Variants in CHRM3 observed in about 807,000 individuals in gnomAD.
The protein encoded by CHRM3 is cholinergic receptor muscarinic 3.
A neutral mutation model predicts 41.8 loss-of-function variants in CHRM3; 11 were observed. That is an observed-to-expected ratio of 0.26 (90% CI 0.17 to 0.44). CHRM3 has a LOEUF of 0.44. Ranked by LOEUF, CHRM3 falls within the 20% of genes least tolerant of loss-of-function variation. The pLI, the probability that CHRM3 is intolerant of heterozygous loss-of-function variation, is 1.00. For missense variants in CHRM3, 571 were observed against 745.4 expected (o/e 0.77, Z 2.72); for synonymous variants, 297 against 301.4 (o/e 0.99, Z 0.15).
At chr1:239,694,987 A>T (rs1442204738) in intron 5 of CHRM3, among the ~76,000 whole-genome samples, 1 of 152,024 alleles carries the variant, frequency 6.6e-6, no homozygotes, top group Non-Finnish European at 1.5e-5. Context: ...GGAACTGATT[A>T]TTGAAATGTT....
chr1:239,412,131 G>T (rs1014213596), intron 1 of CHRM3, among the ~76,000 whole-genome samples: 6 of 150,376 alleles, frequency 4.0e-5, no homozygotes, highest in African/African-American at 1.5e-4. Context: ...ATTACTTAGT[G>T]AACTATGATA....
Position 239,387,485 on chromosome 1 carries a change from CGCTGGCACTCAAGTGCCCCGA to C in CHRM3, c.-521+259_-521+279del, listed in dbSNP as rs919488814. Among the ~76,000 whole-genome samples, 4 of 151,884 alleles carry C rather than the reference CGCTGGCACTCAAGTGCCCCGA, an allele frequency of 2.6e-5. No individual in the cohort carries two copies. Among genetic ancestry groups the C allele is most frequent in the Admixed American group, 1.3e-4 (2 of 15,244 alleles). ...TCTGGGACTGAGGGTGGGGAACGCC[CGCTGGCACTCAAGTGCCCCGA>C]AAGGGACGGGAATCATGCGAGCGGT... On this transcript the variant is annotated intron_variant, in intron 1 of 6. Transcript: ENST00000676153. This position sits in a 1 kb window ranked among gnomAD's most constrained non-coding sequence, Gnocchi z 5.1.
chr1:239,458,382 T>C (rs1274867138), intron 1 of CHRM3, among the ~76,000 whole-genome samples: 2 of 152,026 alleles, frequency 1.3e-5, no homozygotes, highest in African/African-American at 4.8e-5. Context: ...AAGTGGTGGG[T>C]GTCTAGGAAG....
intron 5 of CHRM3, among the ~76,000 whole-genome samples, chr1:239,787,878 A>C: frequency 6.6e-6 from 1 of 152,242 alleles, no homozygotes; most frequent in East Asian, 1.9e-4. Flanking sequence ...ATATATTTAA[A>C]GTACACTGTA....
intron 5 of CHRM3, among the ~76,000 whole-genome samples, chr1:239,692,176 A>C (rs1659783096): frequency 6.6e-6 from 1 of 152,156 alleles, no homozygotes. Context: ...ACATTTAGGC[A>C]TGTGTTTTTT....
chr1:239,715,725 G>C (rs948484968), intron 5 of CHRM3, among the ~76,000 whole-genome samples: 3 of 152,052 alleles, frequency 2.0e-5, no homozygotes, highest in Admixed American at 6.6e-5. Context: ...CTAATGAGTT[G>C]GGTGGCAAAG....
At chr1:239,728,151 C>T (rs1663620535) in intron 5 of CHRM3, among the ~76,000 whole-genome samples, 1 of 151,796 alleles carries the variant, frequency 6.6e-6, no homozygotes, top group South Asian at 2.1e-4. Flanking sequence ...TACCTTTTTG[C>T]CCATTGTTGT....
At chr1:239,762,912 G>C (rs1666915361) in intron 5 of CHRM3, among the ~76,000 whole-genome samples, 1 of 152,136 alleles carries the variant, frequency 6.6e-6, no homozygotes, top group Non-Finnish European at 1.5e-5. Context: ...ATTTCCTGTT[G>C]TTATAAGATG....
chr1:239,422,804 C>T (rs2354401), intron 1 of CHRM3, among the ~76,000 whole-genome samples: 4 of 114,640 alleles, frequency 3.5e-5, no homozygotes, highest in Non-Finnish European at 7.9e-5. Flanking sequence ...TTAAAAAAAA[C>T]AAAAACAAAA....
At chr1:239,733,573 A>G (rs1338382797) in intron 5 of CHRM3, among the ~76,000 whole-genome samples, 1 of 152,054 alleles carries the variant, frequency 6.6e-6, no homozygotes, top group Non-Finnish European at 1.5e-5. Flanking sequence ...TTTTGCTATC[A>G]GGCTCTGGAG....
intron 3 of CHRM3, among the ~76,000 whole-genome samples, chr1:239,564,021 G>T (rs912025486): frequency 6.6e-6 from 1 of 152,116 alleles, no homozygotes; most frequent in Non-Finnish European, 1.5e-5. Flanking sequence ...AGAAGCTCAA[G>T]ATTTTGATGT....
chr1:239,810,432 G>A (rs1209133253), intron 5 of CHRM3, among the ~76,000 whole-genome samples: 1 of 152,186 alleles, frequency 6.6e-6, no homozygotes, highest in Non-Finnish European at 1.5e-5. Flanking sequence ...AGCCAGGCCA[G>A]CAAGGGGAGT....
intron 5 of CHRM3, among the ~76,000 whole-genome samples, chr1:239,759,020 G>T (rs934931587): frequency 6.6e-6 from 1 of 152,120 alleles, no homozygotes; most frequent in Non-Finnish European, 1.5e-5. Flanking sequence ...TCAGGTACTT[G>T]ATGTTTAAAT....
At chr1:239,709,283 T>TA (rs1342497471) in intron 5 of CHRM3, among the ~76,000 whole-genome samples, 1 of 152,204 alleles carries the variant, frequency 6.6e-6, no homozygotes, top group Non-Finnish European at 1.5e-5. Context: ...TTTTGTCTAA[T>TA]ACTTTTTCAG....
intron 5 of CHRM3, among the ~76,000 whole-genome samples, chr1:239,684,744 GAAAGAGAA>G (rs796982811): frequency 3.8e-4 from 45 of 117,084 alleles, no homozygotes; most frequent in African/African-American, 1.5e-3. Flanking sequence ...AAGAGAGAAA[GAAAGAGAA>G]AGAAAGAAAG....
At chr1:239,451,559 G>T (rs1664555886) in intron 1 of CHRM3, among the ~76,000 whole-genome samples, 1 of 152,100 alleles carries the variant, frequency 6.6e-6, no homozygotes, top group Non-Finnish European at 1.5e-5. Flanking sequence ...CTCCACCCAT[G>T]CCGTACAGAT....
rs74149219 is a variant in CHRM3 at position 239,818,539 on chromosome 1, C to T, written c.-146-8713C>T. 3.2e-3 allele frequency among the ~76,000 whole-genome samples: 484 copies of T among 152,272 alleles called. 3 individuals are homozygous for T. The highest frequency in any genetic ancestry group is 0.011 in the African/African-American group (459 of 41,548). On this transcript the variant is annotated intron_variant, in intron 5 of 6. Coordinates refer to ENST00000676153, the MANE Select transcript of CHRM3 (RefSeq NM_001375978.1). ...TCCTGCTCTCAGTGCAGTCCATGGA[C>T]TAAGAGCACCGTAGCCCTGCTTCTC...
chr1:239,396,748 A>G (rs1335598650), intron 1 of CHRM3, among the ~76,000 whole-genome samples: 1 of 152,334 alleles, frequency 6.6e-6, no homozygotes, highest in Non-Finnish European at 1.5e-5. Context: ...AAAGACAACT[A>G]TGGTTAACAG....
chr1:239,547,110 G>A lies in CHRM3; in HGVS notation c.-313+1361G>A, dbSNP rs183154648. Among the ~76,000 whole-genome samples the A allele has an allele frequency of 3.3e-3, 502 of 152,212 alleles. 3 individuals carry two copies. The highest frequency in any genetic ancestry group is 0.024 in the Middle Eastern group (7 of 294). On this transcript the variant is annotated intron_variant, in intron 3 of 6. Coordinates refer to ENST00000676153, the MANE Select transcript of CHRM3 (RefSeq NM_001375978.1). ...ATTAGATATGATTTTCACTAGGAGG[G>A]CAGTGGTCTGTTACATGAATAAAAT...
Sources: gnomAD v4.1 joint callset for allele counts (sites outside exome capture counted in the v4.1 genomes callset) on GRCh38, gnomAD v4.1.1 for gene constraint, Gnocchi (gnomAD v3.1) non-coding constraint, MANE v1.5 for transcripts, NCBI Gene and HGNC (gene_info 2026-07-23, HGNC 2026-07-21) for gene names.